Variants in FIGN observed in about 807,000 individuals in gnomAD.
The protein encoded by FIGN is fidgetin, microtubule severing factor.
FIGN carries 11 observed loss-of-function variants against 51.3 expected under a neutral mutation model. The ratio of observed to expected loss-of-function variants is 0.21; its 90% CI spans 0.13 to 0.35. The LOEUF (loss-of-function observed/expected upper bound fraction) is 0.35. Among genes scored for constraint, FIGN ranks in the 10% least tolerant of loss-of-function variants. The pLI, the probability that FIGN is intolerant of heterozygous loss-of-function variation, is 1.00. For synonymous variants in FIGN, 407 were observed against 363.2 expected (o/e 1.12, Z -1.37); for missense variants, 857 against 943.6 (o/e 0.91, Z 1.20).
At chr2:163,613,736 A>G (rs1682820213) in intron 2 of FIGN, among the ~76,000 whole-genome samples, 1 of 152,224 alleles carries the variant, frequency 6.6e-6, no homozygotes, top group African/African-American at 2.4e-5. Context: ...ACAAGGTGGG[A>G]AGGATTGCAG....
At chr2:163,692,775 A>G (rs1448246248) in intron 2 of FIGN, among the ~76,000 whole-genome samples, 1 of 152,036 alleles carries the variant, frequency 6.6e-6, no homozygotes, top group African/African-American at 2.4e-5. Context: ...GAGCAAGGTG[A>G]CTCAGCCTAG....
At chr2:163,650,483 G>T (rs902225148) in intron 2 of FIGN, among the ~76,000 whole-genome samples, 1 of 152,050 alleles carries the variant, frequency 6.6e-6, no homozygotes, top group African/African-American at 2.4e-5. Context: ...CAGGTGGTTT[G>T]TTGCACTAAT....
intron 2 of FIGN, among the ~76,000 whole-genome samples, chr2:163,706,642 C>A (rs1001330626): frequency 6.6e-6 from 1 of 152,072 alleles, no homozygotes; most frequent in Non-Finnish European, 1.5e-5. Context: ...CATATCTTTG[C>A]ATATCATCCA....
Position 163,609,663 on chromosome 2 carries a change from G to A in FIGN, c.2169C>T (p.Pro723=), listed in dbSNP as rs3748918. ...CATTTTCAAAGTCTTGATATGTAAC[G>A]GGCCTCAACTGGCTGGGCATAATGG... is the stretch of plus-strand genomic sequence containing the variant. ...LSAIMPSQLR[P]VTYQDFENAF... Residue 723 remains proline, a synonymous_variant, in exon 3 of 3, where the codon CCC becomes CCT. Coordinates refer to ENST00000333129, the MANE Select transcript of FIGN (RefSeq NM_018086.4). The A allele has an allele frequency of 3.4e-3, 5,431 of 1,614,018 alleles. 161 individuals carry two copies. The East Asian group carries it at 0.072, about 21-fold the overall frequency.
At chr2:163,735,379 C>T (rs1307331325) in intron 1 of FIGN, among the ~76,000 whole-genome samples, 2 of 152,088 alleles carry the variant, frequency 1.3e-5, no homozygotes, top group Non-Finnish European at 2.9e-5. Flanking sequence ...TTCTCGTTCC[C>T]CCAGCCACGA....
At chr2:163,647,430 G>GA (rs1396790692) in intron 2 of FIGN, among the ~76,000 whole-genome samples, 2 of 152,064 alleles carry the variant, frequency 1.3e-5, no homozygotes, top group Non-Finnish European at 2.9e-5. Flanking sequence ...AAAAGCAGGG[G>GA]AAAATATCAC....
intron 2 of FIGN, among the ~76,000 whole-genome samples, chr2:163,671,179 T>G (rs111547245): frequency 3.6e-4 from 55 of 152,350 alleles, no homozygotes; most frequent in African/African-American, 1.3e-3. Flanking sequence ...ATGTAACCTC[T>G]GTTAGCTGCC....
rs189801694 is a variant in FIGN, at chr2:163,684,628, G to A, written c.25+50275C>T. 2.6e-5 allele frequency among the ~76,000 whole-genome samples: 4 copies of A among 152,310 alleles called. No homozygotes were observed. The East Asian group carries it at 7.7e-4, about 29-fold the overall frequency. ...TCCCCACTTTAGGCTTTCAGAGGGAGAGGTAGATGTTTATCACTCAAAGTG... is the reference window on the plus strand; with the variant it reads ...TCCCCACTTTAGGCTTTCAGAGGGAAAGGTAGATGTTTATCACTCAAAGTG... On this transcript the variant is annotated intron_variant, in intron 2 of 2. Transcript: ENST00000333129.
In FIGN at chr2:163,667,625, TCCCA is replaced by T. The variant is rs1683801671; in HGVS notation, c.26-55823_26-55820del. Among the ~76,000 whole-genome samples the T allele has an allele frequency of 1.3e-5, 2 of 152,236 alleles. 1 individual carries two copies. Among genetic ancestry groups the T allele is most frequent in the South Asian group, 4.1e-4 (2 of 4,836 alleles). On this transcript the variant is annotated intron_variant, in intron 2 of 2. Coordinates refer to ENST00000333129, the MANE Select transcript of FIGN (RefSeq NM_018086.4). ...CTCAGTCTGGAAGTCCCTAATCCTTTCCCATTGTTTACTTGAAAAATCTTATTCG... is the reference window on the plus strand; with the variant it reads ...CTCAGTCTGGAAGTCCCTAATCCTTTTTGTTTACTTGAAAAATCTTATTCG...
At chr2:163,639,587 C>T (rs1683276728) in intron 2 of FIGN, among the ~76,000 whole-genome samples, 1 of 152,006 alleles carries the variant, frequency 6.6e-6, no homozygotes, top group East Asian at 1.9e-4. Flanking sequence ...CATTCTTTAC[C>T]ACAATATATT....
At chr2:163,620,750 G>T (rs2105305237) in intron 2 of FIGN, among the ~76,000 whole-genome samples, 1 of 151,994 alleles carries the variant, frequency 6.6e-6, no homozygotes, top group East Asian at 1.9e-4. Flanking sequence ...CATCTGGCAT[G>T]ATACCAACCT....
At chr2:163,611,959 C>T (rs1691272982) in intron 2 of FIGN, among the ~76,000 whole-genome samples, 153 bp from the exon 3 acceptor site, 1 of 152,026 alleles carries the variant, frequency 6.6e-6, no homozygotes, top group South Asian at 2.1e-4. Flanking sequence ...TATTATGATC[C>T]CTATAATAAG....
chr2:163,728,770 C>T (rs562840705), intron 2 of FIGN, among the ~76,000 whole-genome samples: 5 of 152,216 alleles, frequency 3.3e-5, no homozygotes, highest in African/African-American at 1.2e-4. Flanking sequence ...ACACAGGCCC[C>T]CACCCCACCA....
At chr2:163,733,136 G>A (rs1404255078) in intron 2 of FIGN, among the ~76,000 whole-genome samples, 1 of 152,042 alleles carries the variant, frequency 6.6e-6, no homozygotes, top group African/African-American at 2.4e-5. Context: ...TCTAATATAT[G>A]ATAACAAGGC....
intron 2 of FIGN, among the ~76,000 whole-genome samples, chr2:163,697,742 G>A (rs1684345127): frequency 6.6e-6 from 1 of 152,096 alleles, no homozygotes; most frequent in South Asian, 2.1e-4. Context: ...AATTTTCTCT[G>A]AGCCTGGTTT....
At chr2:163,670,855 C>T (rs972861069) in intron 2 of FIGN, among the ~76,000 whole-genome samples, 6 of 152,056 alleles carry the variant, frequency 3.9e-5, no homozygotes, top group Admixed American at 1.3e-4. Flanking sequence ...ATACATAAAA[C>T]AAATTTGGCA....
rs1182702804 is a variant in FIGN at position 163,665,714 on chromosome 2, G to A, written c.26-53908C>T. On this transcript the variant is annotated intron_variant, in intron 2 of 2. Coordinates refer to ENST00000333129, the MANE Select transcript of FIGN (RefSeq NM_018086.4). Reference sequence around the variant, plus strand: ...ATACACCGTATTGTGCAAACTATAGGAGATGATGACCTAACAATACAGAAT... The same window carrying A: ...ATACACCGTATTGTGCAAACTATAGAAGATGATGACCTAACAATACAGAAT... Among the ~76,000 whole-genome samples the A allele has an allele frequency of 2.6e-5, 4 of 152,156 alleles. No homozygotes were observed. In the South Asian group the frequency reaches 6.2e-4, roughly 24 times the overall value.
chr2:163,731,914 C>T (rs1327125956), intron 2 of FIGN, among the ~76,000 whole-genome samples: 1 of 152,096 alleles, frequency 6.6e-6, no homozygotes, highest in African/African-American at 2.4e-5. Flanking sequence ...AAGTATTACA[C>T]TTCTCAAAAC....
At chr2:163,653,685 A>G (rs1683512638) in intron 2 of FIGN, among the ~76,000 whole-genome samples, 1 of 152,140 alleles carries the variant, frequency 6.6e-6, no homozygotes, top group Non-Finnish European at 1.5e-5. Flanking sequence ...ATTTTAAAAT[A>G]TTTATGTGAT....
Sources: gnomAD v4.1 joint callset for allele counts (sites outside exome capture counted in the v4.1 genomes callset) on GRCh38, gnomAD v4.1.1 for gene constraint, MANE v1.5 for transcripts, NCBI Gene and HGNC (gene_info 2026-07-23, HGNC 2026-07-21) for gene names.